The following SSU72 variants were observed in gnomAD, a reference collection of about 807,000 sequenced individuals.
The protein encoded by SSU72 is RNA polymerase II subunit A C-terminal domain phosphatase SSU72.
SSU72 carries 12 observed loss-of-function variants against 22.7 expected under a neutral mutation model. The ratio of observed to expected loss-of-function variants is 0.53; its 90% CI spans 0.34 to 0.86. The LOEUF is 0.86. Among genes scored for constraint, SSU72 ranks in the 40% least tolerant of loss-of-function variants. SSU72 has a pLI of 0.02. For synonymous variants in SSU72, 116 were observed against 98.3 expected (o/e 1.18, Z -1.06); for missense variants, 151 against 249.8 (o/e 0.60, Z 2.67).
intron 1 of SSU72, among the ~76,000 whole-genome samples, chr1:1,569,098 C>T (rs1378898613): frequency 1.3e-5 from 2 of 151,642 alleles, no homozygotes; most frequent in Non-Finnish European, 2.9e-5. Flanking sequence ...CGCTTGAACT[C>T]GGGAGGCAGA....
intron 1 of SSU72, among the ~76,000 whole-genome samples, chr1:1,572,318 C>G (rs1237740856): frequency 7.0e-6 from 1 of 143,236 alleles, no homozygotes; most frequent in African/African-American, 2.5e-5. Context: ...GTCCCAGCTA[C>G]TCAGGAGGCT....
rs1024244647 is a variant in SSU72 at position 1,554,162 on chromosome 1, T to G, written c.225-9160A>C. On this transcript the variant is annotated intron_variant, in intron 2 of 4. Transcript: ENST00000291386. This position sits in a 1 kb window ranked among gnomAD's most constrained non-coding sequence, Gnocchi z 4.1. Reference sequence around the variant, plus strand: ...AAAGTGAAGCTGAGCACGAGGCGGATCCGGACCACTAAGGGGTCCCCACGA... The same window carrying G: ...AAAGTGAAGCTGAGCACGAGGCGGAGCCGGACCACTAAGGGGTCCCCACGA... Among the ~76,000 whole-genome samples the G allele has an allele frequency of 6.0e-5, 9 of 150,844 alleles. No homozygotes were observed. The highest frequency in any genetic ancestry group is 8.8e-5 in the Non-Finnish European group (6 of 67,872).
At chr1:1,567,895 A>G (rs1642680860) in intron 1 of SSU72, among the ~76,000 whole-genome samples, 1 of 137,964 alleles carries the variant, frequency 7.2e-6, no homozygotes, top group Admixed American at 8.2e-5. Flanking sequence ...CCTGGGAAAC[A>G]GAGCGATACT....
rs1570405154 is a variant in SSU72 at position 1,574,829 on chromosome 1, A to C, written c.-272T>G. On this transcript the variant is annotated 5_prime_UTR_variant, in exon 1 of 5. Transcript: ENST00000291386. Reference sequence around the variant, plus strand: ...CGCCGGCCCCCGGCGTCCGCAGCAGAGACCCGCACTCCACAAGGCCCGGCT... The same window carrying C: ...CGCCGGCCCCCGGCGTCCGCAGCAGCGACCCGCACTCCACAAGGCCCGGCT... 1 of 296,126 alleles carries C rather than the reference A, an allele frequency of 3.4e-6. No individual in the cohort carries two copies. The highest frequency in any genetic ancestry group is 2.6e-5 in the South Asian group (1 of 38,538). The allele number at this position is 296,126 out of a possible 1,614,324, so 18.3% of individuals were successfully genotyped here. A position where few individuals can be genotyped will look rare whatever the true frequency, so the allele number is the denominator to read the frequency against.
intron 1 of SSU72, among the ~76,000 whole-genome samples, chr1:1,571,553 TCTA>T (rs946979808): frequency 7.2e-5 from 11 of 152,134 alleles, no homozygotes; most frequent in Non-Finnish European, 2.9e-5. Context: ...CTCTTCTGAG[TCTA>T]CTCTTTTATG....
intron 1 of SSU72, among the ~76,000 whole-genome samples, chr1:1,572,317 A>G (rs1190766587): frequency 2.1e-5 from 3 of 141,598 alleles, no homozygotes; most frequent in South Asian, 2.5e-4. Context: ...AGTCCCAGCT[A>G]CTCAGGAGGC....
intron 2 of SSU72, among the ~76,000 whole-genome samples, chr1:1,549,429 G>C (rs993105366): frequency 6.6e-6 from 1 of 151,762 alleles, no homozygotes; most frequent in Admixed American, 6.6e-5. Context: ...GCTGAGGCGG[G>C]AGAATGGCGT....
chr1:1,551,533 G>A (rs1642455283), intron 2 of SSU72, among the ~76,000 whole-genome samples: 1 of 146,966 alleles, frequency 6.8e-6, no homozygotes, highest in African/African-American at 2.6e-5. Context: ...TGTGCCAGCT[G>A]CACCAAATGC....
Position 1,542,911 on chromosome 1 carries a change from G to A in SSU72, c.484-744C>T, listed in dbSNP as rs1040971710. On this transcript the variant is annotated intron_variant, in intron 4 of 4. Transcript: ENST00000291386. The surrounding 1 kb of genome is among the most constrained non-coding windows in gnomAD (Gnocchi z 4.4). ...AGAAGCCATGCTGGGTGGGCCAGGC[G>A]GAGCGCAGGAGCCTCTGCGGCCACA... 1.3e-5 allele frequency among the ~76,000 whole-genome samples: 2 copies of A among 152,212 alleles called. No homozygotes were observed. Among genetic ancestry groups the A allele is most frequent in the African/African-American group, 2.4e-5 (1 of 41,444 alleles).
chr1:1,543,956 C>A lies in SSU72; in HGVS notation c.396G>T (p.Gln132His). 2 of 1,613,916 alleles carry A rather than the reference C, an allele frequency of 1.2e-6. No homozygotes were observed. The highest frequency in any genetic ancestry group is 1.7e-6 in the Non-Finnish European group (2 of 1,179,934). The part of the protein sequence containing the change: ...DLNSREQETC[Q>H]PVHVVNVDIQ... ...TGTCCACATTGACCACGTGCACAGG[C>A]TGGCAGGTCTCCTGTTCTCTGGAAT... is the stretch of plus-strand genomic sequence containing the variant. The change falls in exon 4 of 5, where the codon CAG becomes CAT. Residue 132 changes from glutamine to histidine, a missense_variant. By Grantham distance (24) the Gln-to-His change is conservative (BLOSUM62 0). Coordinates refer to ENST00000291386, the MANE Select transcript of SSU72 (RefSeq NM_014188.3).
At chr1:1,557,079 T>C (rs1642530588) in intron 2 of SSU72, among the ~76,000 whole-genome samples, 1 of 152,186 alleles carries the variant, frequency 6.6e-6, no homozygotes, top group Non-Finnish European at 1.5e-5. Context: ...TAGGAACACA[T>C]TCATTTGTTT....
chr1:1,564,835 A>T lies in SSU72; in HGVS notation c.162T>A (p.Val54=). The change falls in exon 2 of 5, where the codon GTT becomes GTA. Residue 54 remains valine, a synonymous_variant. Coordinates refer to ENST00000291386, the MANE Select transcript of SSU72 (RefSeq NM_014188.3). ...LPGPAPDKPN[V]YDFKTTYDQM... is the part of the protein sequence containing the mutation. ...GGTCATATGTGGTTTTGAAATCATA[A>T]ACATTGGGCTTGTCGGGAGCTGGTC... The T allele has an allele frequency of 3.1e-6, 5 of 1,614,162 alleles. No individual in the cohort carries two copies. The highest frequency in any genetic ancestry group is 4.2e-6 in the Non-Finnish European group (5 of 1,180,034).
chr1:1,549,318 G>A (rs1642428000), intron 2 of SSU72, among the ~76,000 whole-genome samples: 1 of 151,492 alleles, frequency 6.6e-6, no homozygotes, highest in South Asian at 2.1e-4. Flanking sequence ...TCAGGAAATC[G>A]AGACCATCCT....
chr1:1,557,753 A>G lies in SSU72; in HGVS notation c.224+7020T>C, dbSNP rs1006957640. ...GCAAAGATTGCAGTGAGCCGAGATC[A>G]CGCCATTGCACTCCAGCAGGGGTGA... On this transcript the variant is annotated intron_variant, in intron 2 of 4. Transcript: ENST00000291386. 2.6e-5 allele frequency among the ~76,000 whole-genome samples: 4 copies of G among 151,922 alleles called. No individual in the cohort carries two copies. The East Asian group carries it at 7.8e-4, about 30-fold the overall frequency.
At chr1:1,550,604 C>A (rs2031709) in intron 2 of SSU72, among the ~76,000 whole-genome samples, 8,846 of 152,220 alleles carry the variant, frequency 0.058, 560 homozygotes, top group East Asian at 0.27. Flanking sequence ...GCTGGCCCCC[C>A]TCAAGTGCCT....
chr1:1,559,911 A>G (rs1352733064), intron 2 of SSU72, among the ~76,000 whole-genome samples: 1 of 151,970 alleles, frequency 6.6e-6, no homozygotes, highest in Admixed American at 6.6e-5. Context: ...TTTAGTAGAG[A>G]CGGGGGTTTC....
chr1:1,559,975 T>C (rs1642567364), intron 2 of SSU72, among the ~76,000 whole-genome samples: 1 of 152,162 alleles, frequency 6.6e-6, no homozygotes, highest in Non-Finnish European at 1.5e-5. Context: ...TCCGCCCACC[T>C]CGGCCTCCCA....
At chr1:1,567,813 T>C (rs1309286707) in intron 1 of SSU72, among the ~76,000 whole-genome samples, 1 of 148,604 alleles carries the variant, frequency 6.7e-6, no homozygotes, top group East Asian at 2.0e-4. Context: ...TTCGGGAGGC[T>C]GAGGCAGGAG....
chr1:1,570,154 T>A (rs1255159034), intron 1 of SSU72, among the ~76,000 whole-genome samples: 1 of 145,910 alleles, frequency 6.9e-6, no homozygotes, highest in Non-Finnish European at 1.5e-5. Context: ...ATGCTCTGGG[T>A]GCGGTGCCTC....
Sources: allele counts gnomAD v4.1 joint callset (sites outside exome capture counted in the v4.1 genomes callset), GRCh38; gene constraint gnomAD v4.1.1; non-coding constraint Gnocchi (gnomAD v3.1); transcripts MANE v1.5; gene names NCBI Gene and HGNC (gene_info 2026-07-23, HGNC 2026-07-21).